The following MAP3K5 variants were observed in gnomAD, a reference collection of about 807,000 sequenced individuals.
MAP3K5 encodes ASK-1.
A neutral mutation model predicts 158.7 loss-of-function variants in MAP3K5; 56 were observed. That is an observed-to-expected ratio of 0.35 (90% CI 0.28 to 0.44). MAP3K5 has a LOEUF of 0.44. Among genes scored for constraint, MAP3K5 ranks in the 20% least tolerant of loss-of-function variants. The probability of loss-of-function intolerance (pLI) is 1.00; values close to 1 mark genes in which losing one functional copy is unlikely to be tolerated. For missense variants in MAP3K5, 1,294 were observed against 1,674.8 expected (o/e 0.77, Z 3.97); for synonymous variants, 579 against 601.7 (o/e 0.96, Z 0.55).
chr6:136,656,592 C>T (rs1293691260), intron 9 of MAP3K5, 132 bp from the exon 10 acceptor site: 7 of 558,696 alleles, frequency 1.3e-5, no homozygotes, highest in South Asian at 5.7e-5. Flanking sequence ...CACCGTTATT[C>T]GTTATTTGTT....
chr6:136,776,728 AAT>A (rs1162860389), intron 1 of MAP3K5, among the ~76,000 whole-genome samples: 1 of 152,208 alleles, frequency 6.6e-6, no homozygotes, highest in African/African-American at 2.4e-5. Context: ...CCTTTATTTG[AAT>A]ATATGCTGAA....
intron 8 of MAP3K5, among the ~76,000 whole-genome samples, chr6:136,665,728 A>C (rs76616316): frequency 0.025 from 3,737 of 152,302 alleles, 150 homozygotes; most frequent in African/African-American, 0.084. Flanking sequence ...TTTCCTTATA[A>C]CTTCTAATTT....
chr6:136,637,051 G>A lies in MAP3K5; in HGVS notation c.2016+274C>T, dbSNP rs149427880. On this transcript the variant is annotated intron_variant, in intron 14 of 29. Coordinates refer to ENST00000359015, the MANE Select transcript of MAP3K5 (RefSeq NM_005923.4). ...AGAATAGAGAATGTGTAAGGACACC[G>A]TGGCCCATGCATTGACACTGTCATA... 24 of 1,250,038 alleles carry A rather than the reference G, an allele frequency of 1.9e-5. No individual in the cohort carries two copies. The Admixed American group carries it at 2.3e-4, about 12-fold the overall frequency. 77.4% of individuals were successfully genotyped at this position (1,250,038 alleles called of 1,614,324 possible).
chr6:136,738,641 A>G (rs1782577996), intron 1 of MAP3K5, among the ~76,000 whole-genome samples: 1 of 152,226 alleles, frequency 6.6e-6, no homozygotes, highest in Admixed American at 6.5e-5. Context: ...TATTCATTTC[A>G]AGGAGACTAT....
chr6:136,639,817 C>G (rs749312465), intron 12 of MAP3K5, among the ~76,000 whole-genome samples, 179 bp from the exon 13 acceptor site: 10 of 152,198 alleles, frequency 6.6e-5, no homozygotes, highest in Non-Finnish European at 8.8e-5. Flanking sequence ...AAATGATTTA[C>G]TCTTCCGAGA....
At chr6:136,698,371 T>A (rs1780695987) in intron 4 of MAP3K5, 118 bp downstream of exon 4, 3 of 744,250 alleles carry the variant, frequency 4.0e-6, no homozygotes, top group Admixed American at 3.0e-5. Flanking sequence ...ATAAACATTT[T>A]CCCCCTAGTT....
At chr6:136,653,090 T>C (rs1690211504) in intron 10 of MAP3K5, among the ~76,000 whole-genome samples, 1 of 152,208 alleles carries the variant, frequency 6.6e-6, no homozygotes, top group Non-Finnish European at 1.5e-5. Flanking sequence ...ATTAACCAGA[T>C]GTTTAAGTTT....
At chr6:136,780,015 T>C (rs1784553072) in intron 1 of MAP3K5, among the ~76,000 whole-genome samples, 1 of 152,180 alleles carries the variant, frequency 6.6e-6, no homozygotes, top group Non-Finnish European at 1.5e-5. Flanking sequence ...GCATAGGGCC[T>C]GCTGAGAATG....
chr6:136,594,321 G>A (rs945779576), intron 21 of MAP3K5, among the ~76,000 whole-genome samples: 1 of 152,182 alleles, frequency 6.6e-6, no homozygotes, highest in African/African-American at 2.4e-5. Flanking sequence ...GAGAAGAAAG[G>A]TTTGAAGGGG....
At chr6:136,597,070 A>T (rs1027097411) in intron 21 of MAP3K5, among the ~76,000 whole-genome samples, 1 of 152,204 alleles carries the variant, frequency 6.6e-6, no homozygotes, top group Admixed American at 6.5e-5. Flanking sequence ...GGGGCTGACC[A>T]CGAAGAGTCT....
At chr6:136,607,294 T>G (rs535861927) in intron 18 of MAP3K5, among the ~76,000 whole-genome samples, 39 of 152,336 alleles carry the variant, frequency 2.6e-4, no homozygotes, top group African/African-American at 9.1e-4. Context: ...ATTTGGAAAT[T>G]TTTAATTTTT....
At chr6:136,745,326 G>C (rs1047915210) in intron 1 of MAP3K5, among the ~76,000 whole-genome samples, 1 of 151,994 alleles carries the variant, frequency 6.6e-6, no homozygotes, top group African/African-American at 2.4e-5. Context: ...TTGTTGGGAA[G>C]AAAATTAATT....
chr6:136,615,930 C>T (rs1776542163), intron 15 of MAP3K5, among the ~76,000 whole-genome samples: 1 of 151,808 alleles, frequency 6.6e-6, no homozygotes, highest in Admixed American at 6.6e-5. Context: ...TTAGCTAAAG[C>T]AATTAGTTTA....
chr6:136,737,374 T>A (rs1275850445), intron 1 of MAP3K5, among the ~76,000 whole-genome samples: 1 of 151,456 alleles, frequency 6.6e-6, no homozygotes, highest in Non-Finnish European at 1.5e-5. Flanking sequence ...TGCACATGTA[T>A]CCTCTGAAAC....
chr6:136,785,699 T>C (rs1238549449), intron 1 of MAP3K5, among the ~76,000 whole-genome samples: 1 of 152,168 alleles, frequency 6.6e-6, no homozygotes, highest in Non-Finnish European at 1.5e-5. Flanking sequence ...CACCTGATCT[T>C]CCCTTTGTCC....
At chr6:136,574,189 C>A (rs989989802) in intron 25 of MAP3K5, among the ~76,000 whole-genome samples, 1 of 152,108 alleles carries the variant, frequency 6.6e-6, no homozygotes, top group African/African-American at 2.4e-5. Context: ...CCTTGGCCTC[C>A]CAAAGTGCTG....
intron 3 of MAP3K5, among the ~76,000 whole-genome samples, chr6:136,704,635 T>C (rs992522811): frequency 6.6e-6 from 1 of 152,196 alleles, no homozygotes; most frequent in Non-Finnish European, 1.5e-5. Context: ...AACCTCCGCC[T>C]CCCGGGTTCA....
chr6:136,636,709 G>T, intron 14 of MAP3K5: 1 of 477,730 alleles, frequency 2.1e-6, no homozygotes, highest in Non-Finnish European at 2.7e-6. Flanking sequence ...TTGGGAGGCC[G>T]AGGTGGGAGG....
chr6:136,619,987 C>T (rs189838112), intron 15 of MAP3K5, among the ~76,000 whole-genome samples: 153 of 152,296 alleles, frequency 1.0e-3, no homozygotes, highest in African/African-American at 2.4e-3. Flanking sequence ...ATTGGGTTCA[C>T]GGCCTGGCGT....
Sources: allele counts gnomAD v4.1 joint callset (sites outside exome capture counted in the v4.1 genomes callset), GRCh38; gene constraint gnomAD v4.1.1; transcripts MANE v1.5; gene names NCBI Gene and HGNC (gene_info 2026-07-23, HGNC 2026-07-21).